The following DPH6 variants were observed in gnomAD, a reference collection of about 807,000 sequenced individuals.
DPH6 encodes diphthamine biosynthesis 6.
DPH6 carries 33 observed loss-of-function variants against 38.2 expected under a neutral mutation model. The ratio of observed to expected loss-of-function variants is 0.86; its 90% confidence interval spans 0.65 to 1.15. DPH6 has a LOEUF of 1.15. Ranked by LOEUF, DPH6 falls within the 50% of genes most tolerant of loss-of-function variation. The pLI is 0.00. For synonymous variants in DPH6, 108 were observed against 103.0 expected, an observed-to-expected ratio of 1.05 and a Z score of -0.30; for missense variants, 325 against 320.0, an observed-to-expected ratio of 1.02 and a Z score of -0.12.
chr15:35,253,850 G>A (rs907647422), intron 3 of DPH6, among the ~76,000 whole-genome samples: 3 of 152,188 alleles, frequency 2.0e-5, no homozygotes, highest in African/African-American at 7.2e-5. Context: ...GCGGCAGAAC[G>A]TCAACAACAA....
intron 3 of DPH6, among the ~76,000 whole-genome samples, chr15:35,297,889 C>A (rs2052025668): frequency 6.6e-6 from 1 of 152,036 alleles, no homozygotes; most frequent in African/African-American, 2.4e-5. Context: ...ATTTGGTGGC[C>A]AAGGCAAAAA....
chr15:35,180,318 T>A, the DPH6 span, among the ~76,000 whole-genome samples: 1 of 151,724 alleles, frequency 6.6e-6, no homozygotes, highest in East Asian at 1.9e-4. Flanking sequence ...TTGCACTAAT[T>A]TACACTAAAT....
At chr15:35,409,534 C>T (rs1174784385) in intron 6 of DPH6, among the ~76,000 whole-genome samples, 2 of 151,998 alleles carry the variant, frequency 1.3e-5, no homozygotes, top group African/African-American at 2.4e-5. Flanking sequence ...TAGCAACACA[C>T]TTAAAATCTA....
chr15:35,369,875 TAAGGTTTTTATC>T (rs996630282), downstream of DPH6, among the ~76,000 whole-genome samples: 1 of 151,754 alleles, frequency 6.6e-6, no homozygotes, highest in Non-Finnish European at 1.5e-5. Context: ...AAACTGATTG[TAAGGTTTTTATC>T]AAGAGACAAA....
the DPH6 span, among the ~76,000 whole-genome samples, chr15:35,148,398 A>G: frequency 1.3e-5 from 2 of 152,206 alleles, no homozygotes; most frequent in Admixed American, 1.3e-4. Flanking sequence ...TTCAGCTTAC[A>G]TATAGACTGA....
chr15:35,533,463 C>CT (rs1271662036), intron 3 of DPH6, among the ~76,000 whole-genome samples: 2 of 152,134 alleles, frequency 1.3e-5, no homozygotes, highest in East Asian at 3.9e-4. Flanking sequence ...AAGAATACAA[C>CT]TGGGAGCCAT....
At chr15:35,441,802 A>G (rs532133857) in intron 5 of DPH6, among the ~76,000 whole-genome samples, 2 of 4,398 alleles carry the variant, frequency 4.5e-4, no homozygotes, top group South Asian at 0.053. Flanking sequence ...CAGAACTTAA[A>G]GTATAATAAA....
At chr15:35,276,444 C>T (rs1435939022) in intron 3 of DPH6, among the ~76,000 whole-genome samples, 1 of 152,176 alleles carries the variant, frequency 6.6e-6, no homozygotes, top group Non-Finnish European at 1.5e-5. Context: ...TTATTTAAGT[C>T]CCAGCTATTC....
intron 3 of DPH6, among the ~76,000 whole-genome samples, chr15:35,232,050 C>T (rs2051521581): frequency 6.6e-6 from 1 of 152,104 alleles, no homozygotes; most frequent in South Asian, 2.1e-4. Flanking sequence ...ATCAGTATTA[C>T]TGGGAGTGAA....
intron 3 of DPH6, among the ~76,000 whole-genome samples, chr15:35,275,910 C>T (rs7173979): frequency 0.28 from 42,384 of 151,858 alleles, 6,173 homozygotes; most frequent in African/African-American, 0.36. Flanking sequence ...TGTAAACTTG[C>T]GTGTACAAGT....
the DPH6 span, among the ~76,000 whole-genome samples, chr15:35,159,397 T>A: frequency 6.6e-6 from 1 of 151,856 alleles, no homozygotes; most frequent in Non-Finnish European, 1.5e-5. Context: ...GGCTGCAGTA[T>A]CTCTCATTTA....
rs140107904 is a variant in DPH6, at chr15:35,470,518, A to T, written c.313-15698T>A. 3.5e-4 allele frequency among the ~76,000 whole-genome samples: 53 copies of T among 152,354 alleles called. No homozygotes were observed. The East Asian group carries it at 8.1e-3, about 23-fold the overall frequency. On this transcript the variant is annotated intron_variant, in intron 3 of 8. Transcript: ENST00000256538. ...GAGAAAGAAAATAAATATTTCAAAA[A>T]GACTTGTGAAGAGATGGTGCAATTG...
rs149423503 is a variant in DPH6, at chr15:35,484,320, T to C, written c.313-29500A>G. On this transcript the variant is annotated intron_variant, in intron 3 of 8. Transcript: ENST00000256538. The stretch of plus-strand genomic sequence containing the variant: ...TGTGTTAGCTTAAAACAAATACTTA[T>C]TAATTCACAGATTCTGTGCTTTAGG... Among the ~76,000 whole-genome samples the C allele has an allele frequency of 3.6e-3, 549 of 152,372 alleles. 6 individuals carry two copies. The highest frequency in any genetic ancestry group is 0.013 in the African/African-American group (527 of 41,592).
At chr15:35,541,933 A>G (rs1418585812) in intron 2 of DPH6, among the ~76,000 whole-genome samples, 1 of 152,144 alleles carries the variant, frequency 6.6e-6, no homozygotes, top group Non-Finnish European at 1.5e-5. Context: ...CAAGTCTCAC[A>G]TTTCTGGCTT....
chr15:35,396,645 A>T (rs1250513802), intron 6 of DPH6, among the ~76,000 whole-genome samples: 2 of 152,064 alleles, frequency 1.3e-5, no homozygotes, highest in East Asian at 3.9e-4. Flanking sequence ...CATGATTTTT[A>T]CTCTCTTAAA....
At chr15:35,505,525 T>C (rs1233545763) in intron 3 of DPH6, among the ~76,000 whole-genome samples, 1 of 152,112 alleles carries the variant, frequency 6.6e-6, no homozygotes, top group Non-Finnish European at 1.5e-5. Flanking sequence ...TTCTAATTTA[T>C]ATTAAACTCC....
intron 3 of DPH6, among the ~76,000 whole-genome samples, chr15:35,456,377 G>C (rs1221009664): frequency 6.6e-6 from 1 of 150,824 alleles, no homozygotes. Context: ...TAGATGTATA[G>C]GAGTGTGTGT....
At position 35,504,281 on chromosome 15, in the gene DPH6, T is replaced by C. The variant is rs569438773; in HGVS notation, c.312+33993A>G. On this transcript the variant is annotated intron_variant, in intron 3 of 8. Coordinates refer to ENST00000256538, the MANE Select transcript of DPH6 (RefSeq NM_080650.4). ...CTCCTACCTCCTGCCACTACTTATA[T>C]ATATCATCTAGTCACACCAAATTAT... 2.6e-5 allele frequency among the ~76,000 whole-genome samples: 4 copies of C among 152,100 alleles called. No homozygotes were observed. In the South Asian group the frequency reaches 8.3e-4, roughly 32 times the overall value.
chr15:35,428,035 G>A (rs1272174174), intron 5 of DPH6, among the ~76,000 whole-genome samples: 1 of 151,964 alleles, frequency 6.6e-6, no homozygotes, highest in Non-Finnish European at 1.5e-5. Context: ...TAGACCAGGA[G>A]GCAATGGCAT....
Sources: allele counts gnomAD v4.1 joint callset (sites outside exome capture counted in the v4.1 genomes callset), GRCh38; gene constraint gnomAD v4.1.1; transcripts MANE v1.5; gene names NCBI Gene and HGNC (gene_info 2026-07-23, HGNC 2026-07-21).